The following PRDM5 variants were observed in gnomAD, a reference collection of about 807,000 sequenced individuals.
PRDM5 encodes the protein PR domain zinc finger protein 5.
PRDM5 carries 56 observed loss-of-function variants against 81.2 expected under a neutral mutation model. The ratio of observed to expected loss-of-function variants is 0.69; its 90% confidence interval spans 0.56 to 0.86. The LOEUF is 0.86. Among genes scored for constraint, PRDM5 ranks in the 40% least tolerant of loss-of-function variants. The probability of loss-of-function intolerance (pLI) is 0.00; values close to 1 mark genes in which losing one functional copy is unlikely to be tolerated. For synonymous variants in PRDM5, 267 were observed against 256.4 expected (o/e 1.04, Z -0.39); for missense variants, 697 against 770.1 (o/e 0.91, Z 1.12).
At chr4:120,690,898 A>C (rs1734022593), downstream of PRDM5, among the ~76,000 whole-genome samples, 1 of 152,134 alleles carries the variant, frequency 6.6e-6, no homozygotes, top group East Asian at 1.9e-4. Flanking sequence ...GATATAATTT[A>C]ACATCTTAGA....
At chr4:120,709,797 A>C (rs1368087961) in intron 15 of PRDM5, among the ~76,000 whole-genome samples, 1 of 152,108 alleles carries the variant, frequency 6.6e-6, no homozygotes, top group Non-Finnish European at 1.5e-5. Flanking sequence ...ATGCTATGTC[A>C]AATAATTCCA....
At position 120,781,209 on chromosome 4, in the gene PRDM5, C is replaced by T; in HGVS notation, c.1377G>A (p.Lys459=). The stretch of plus-strand genomic sequence containing the variant: ...TATTACATAGCTCACACCTATACTT[C>T]TTGTGTCTTTCATGAACCACCTGGA... ...VHVQVVHERH[K]KYRCELCNKA... Residue 459 remains lysine, a synonymous_variant, in exon 12 of 16, where the codon AAG becomes AAA. Coordinates refer to ENST00000264808, the MANE Select transcript of PRDM5 (RefSeq NM_018699.4). 1.2e-6 allele frequency: 2 copies of T among 1,613,306 alleles called. No homozygotes were observed. The highest frequency in any genetic ancestry group is 1.7e-6 in the Non-Finnish European group (2 of 1,179,420).
chr4:120,736,578 A>G (rs902628507), intron 14 of PRDM5, among the ~76,000 whole-genome samples: 3 of 152,148 alleles, frequency 2.0e-5, no homozygotes. Context: ...ACGACCTTTT[A>G]TCATCTGCCC....
At chr4:120,861,297 C>T (rs1266258267) in intron 2 of PRDM5, among the ~76,000 whole-genome samples, 1 of 152,160 alleles carries the variant, frequency 6.6e-6, no homozygotes, top group Non-Finnish European at 1.5e-5. Context: ...CATGAGCTAT[C>T]ATGACCAGCC....
chr4:120,759,836 A>G (rs923807638), intron 13 of PRDM5, among the ~76,000 whole-genome samples: 2 of 152,254 alleles, frequency 1.3e-5, no homozygotes, highest in African/African-American at 4.8e-5. Flanking sequence ...ATGTAAATTA[A>G]TTAATCTGAA....
At chr4:120,736,661 C>T (rs570550825) in intron 14 of PRDM5, among the ~76,000 whole-genome samples, 6 of 152,268 alleles carry the variant, frequency 3.9e-5, no homozygotes, top group Admixed American at 2.6e-4. Context: ...ATGAAGTTAT[C>T]GGACACTCTC....
intron 14 of PRDM5, among the ~76,000 whole-genome samples, chr4:120,741,764 GCT>G (rs1742031785): frequency 1.3e-5 from 2 of 152,110 alleles, no homozygotes; most frequent in Non-Finnish European, 2.9e-5. Flanking sequence ...CATGCACCTG[GCT>G]CAGAGGGTCC....
intron 3 of PRDM5, among the ~76,000 whole-genome samples, chr4:120,825,661 G>A (rs1184135806): frequency 6.6e-6 from 1 of 152,062 alleles, no homozygotes; most frequent in Non-Finnish European, 1.5e-5. Flanking sequence ...ATAAATACAG[G>A]AAAAGTTGAG....
At chr4:120,869,366 T>C (rs1176107331) in intron 2 of PRDM5, among the ~76,000 whole-genome samples, 1 of 152,222 alleles carries the variant, frequency 6.6e-6, no homozygotes, top group Non-Finnish European at 1.5e-5. Flanking sequence ...CATTGTGCAA[T>C]GTAGTTACAT....
At chr4:120,888,564 G>A (rs1204849854) in intron 2 of PRDM5, among the ~76,000 whole-genome samples, 4 of 152,134 alleles carry the variant, frequency 2.6e-5, no homozygotes, top group Non-Finnish European at 5.9e-5. Flanking sequence ...TCCTGATACT[G>A]CTGCTATGTA....
chr4:120,838,340 T>C (rs931168308), intron 3 of PRDM5: 2 of 152,224 alleles, frequency 1.3e-5, no homozygotes, highest in African/African-American at 4.8e-5. Context: ...ATGGGGTACC[T>C]AGTGATGTTA....
intron 3 of PRDM5, among the ~76,000 whole-genome samples, chr4:120,825,083 G>C (rs1186327701): frequency 6.6e-6 from 1 of 152,128 alleles, no homozygotes; most frequent in Admixed American, 6.6e-5. Context: ...ACTTTGGGAT[G>C]CTCAGGGTTC....
At chr4:120,767,253 T>C (rs902574839) in intron 13 of PRDM5, among the ~76,000 whole-genome samples, 5 of 152,068 alleles carry the variant, frequency 3.3e-5, no homozygotes, top group African/African-American at 1.2e-4. Flanking sequence ...CATGAGCCAA[T>C]TAACAAAAAC....
At chr4:120,882,992 A>C (rs1763009575) in intron 2 of PRDM5, among the ~76,000 whole-genome samples, 1 of 152,218 alleles carries the variant, frequency 6.6e-6, no homozygotes, top group South Asian at 2.1e-4. Flanking sequence ...AAAGTTAAAA[A>C]TTCAGTCCCC....
At chr4:120,801,283 C>CA (rs1271275998) in intron 8 of PRDM5, among the ~76,000 whole-genome samples, 1 of 152,222 alleles carries the variant, frequency 6.6e-6, no homozygotes, top group Non-Finnish European at 1.5e-5. Flanking sequence ...TGGTACAGCA[C>CA]ATGAGTAATG....
chr4:120,920,183 C>T (rs115211853), intron 1 of PRDM5, among the ~76,000 whole-genome samples: 3,387 of 152,222 alleles, frequency 0.022, 57 homozygotes, highest in South Asian at 0.043. Flanking sequence ...TAGCAAGATT[C>T]CCCAACCTCA....
At chr4:120,735,079 G>A (rs1029951120) in intron 14 of PRDM5, among the ~76,000 whole-genome samples, 1 of 152,176 alleles carries the variant, frequency 6.6e-6, no homozygotes, top group African/African-American at 2.4e-5. Context: ...GTCAAAGAAA[G>A]TCCCTTTAAT....
At chr4:120,836,555 C>T (rs1757378011) in intron 3 of PRDM5, among the ~76,000 whole-genome samples, 1 of 152,136 alleles carries the variant, frequency 6.6e-6, no homozygotes, top group Non-Finnish European at 1.5e-5. Context: ...ACTTTATTAG[C>T]TTTGGTGTTA....
Position 120,710,290 on chromosome 4 carries a change from G to GA in PRDM5, c.1728+18dup, listed in dbSNP as rs770737888. The GA allele has an allele frequency of 2.5e-6, 4 of 1,606,954 alleles. No homozygotes were observed. The highest frequency in any genetic ancestry group is 1.7e-4 in the Middle Eastern group (1 of 5,942). ...TCTGTTATTGGAAGACACTATGGGG[G>GA]AAAAAAATCCAAACTCACATCACAC... On this transcript the variant is annotated intron_variant, in intron 15 of 15. Transcript: ENST00000264808.
Sources: gnomAD v4.1 joint callset for allele counts (sites outside exome capture counted in the v4.1 genomes callset) on GRCh38, gnomAD v4.1.1 for gene constraint, MANE v1.5 for transcripts, NCBI Gene and HGNC (gene_info 2026-07-23, HGNC 2026-07-21) for gene names.